Variants in ADAMTS12 observed in about 807,000 individuals in gnomAD.
ADAMTS12 encodes A disintegrin and metalloproteinase with thrombospondin motifs 12.
ADAMTS12 carries 118 observed loss-of-function variants against 167.8 expected under a neutral mutation model. The ratio of observed to expected loss-of-function variants is 0.70; its 90% CI spans 0.61 to 0.82. The LOEUF (loss-of-function observed/expected upper bound fraction) is 0.82. ADAMTS12 is among the 40% of genes least tolerant of loss of function. The probability of loss-of-function intolerance (pLI) is 0.00; values close to 1 mark genes in which losing one functional copy is unlikely to be tolerated. For missense variants in ADAMTS12, 1,916 were observed against 1,998.8 expected (o/e 0.96, Z 0.79); for synonymous variants, 704 against 716.9 (o/e 0.98, Z 0.29).
At chr5:33,847,547 C>T (rs188185983) in intron 2 of ADAMTS12, among the ~76,000 whole-genome samples, 2 of 151,760 alleles carry the variant, frequency 1.3e-5, no homozygotes, top group Admixed American at 6.6e-5. Flanking sequence ...CACCTGAACC[C>T]GGGAGATGGA....
intron 3 of ADAMTS12, among the ~76,000 whole-genome samples, chr5:33,712,091 G>T (rs1366871281): frequency 1.3e-5 from 2 of 152,072 alleles, no homozygotes; most frequent in Non-Finnish European, 2.9e-5. Context: ...TCTGTAAAAT[G>T]GAGACATATT....
At chr5:33,646,977 T>C (rs922190904) in intron 9 of ADAMTS12, among the ~76,000 whole-genome samples, 1 of 152,040 alleles carries the variant, frequency 6.6e-6, no homozygotes, top group Non-Finnish European at 1.5e-5. Context: ...AGGTTAAATA[T>C]GCATAATTGG....
At chr5:33,673,204 T>C (rs938495209) in intron 5 of ADAMTS12, among the ~76,000 whole-genome samples, 6 of 152,208 alleles carry the variant, frequency 3.9e-5, no homozygotes, top group African/African-American at 1.2e-4. Context: ...CTTCTGTCCT[T>C]CCTTTGGTTC....
rs143446153 is a variant in ADAMTS12, at chr5:33,527,226, T to C, written c.4747A>G (p.Arg1583Gly). 1.7e-5 allele frequency: 27 copies of C among 1,614,008 alleles called. No homozygotes were observed. In the African/African-American group the frequency reaches 3.5e-4, roughly 21 times the overall value. The change falls in exon 24 of 24, where the codon AGA becomes GGA. Residue 1583 changes from arginine (R) to glycine (G), a missense_variant. Arg to Gly is a moderately radical substitution (Grantham distance 125, BLOSUM62 -2). Coordinates refer to ENST00000504830, the MANE Select transcript of ADAMTS12 (RefSeq NM_030955.4). ...QTHITHTQRQ[R>G]RQRLLQKSKE... The stretch of plus-strand genomic sequence containing the variant: ...GACTTTTGGAGCAACCGTTGCCTTC[T>C]TTGCCTTTGGGTGTGTGTGATGTGT...
At chr5:33,874,382 C>T (rs910280479) in intron 2 of ADAMTS12, among the ~76,000 whole-genome samples, 1 of 152,216 alleles carries the variant, frequency 6.6e-6, no homozygotes, top group African/African-American at 2.4e-5. Flanking sequence ...AAATGAGATA[C>T]CACCACACAT....
chr5:33,835,379 C>A (rs988905769), intron 2 of ADAMTS12, among the ~76,000 whole-genome samples: 51 of 152,356 alleles, frequency 3.3e-4, no homozygotes, highest in African/African-American at 1.1e-3. Context: ...AATCTTTGCA[C>A]TAACTTTGTA....
intron 2 of ADAMTS12, among the ~76,000 whole-genome samples, chr5:33,859,530 T>G (rs890351849): frequency 2.6e-5 from 4 of 152,094 alleles, no homozygotes; most frequent in African/African-American, 9.7e-5. Context: ...TAGATATAAC[T>G]CCCATCTCCC....
chr5:33,814,016 T>G (rs926962001), intron 2 of ADAMTS12, among the ~76,000 whole-genome samples: 2 of 152,248 alleles, frequency 1.3e-5, no homozygotes, highest in African/African-American at 4.8e-5. Flanking sequence ...ATACTGAATA[T>G]GAATCCTTTG....
chr5:33,742,095 C>A (rs899248693), intron 3 of ADAMTS12, among the ~76,000 whole-genome samples: 7 of 152,104 alleles, frequency 4.6e-5, no homozygotes, highest in Non-Finnish European at 1.0e-4. Context: ...AGGTTCAGAG[C>A]TGTGTCCCTT....
intron 12 of ADAMTS12, among the ~76,000 whole-genome samples, chr5:33,634,735 T>C (rs1002841335): frequency 7.9e-5 from 12 of 152,090 alleles, no homozygotes; most frequent in African/African-American, 2.7e-4. Context: ...TAGTGAAATA[T>C]AAGAAGGCAT....
chr5:33,719,748 C>G (rs1347231998), intron 3 of ADAMTS12, among the ~76,000 whole-genome samples: 2 of 152,180 alleles, frequency 1.3e-5, no homozygotes, highest in Admixed American at 6.5e-5. Context: ...TATTTATGAG[C>G]TTTAAGGAAG....
chr5:33,581,642 CA>C (rs1561143995), intron 18 of ADAMTS12, among the ~76,000 whole-genome samples: 2 of 152,156 alleles, frequency 1.3e-5, no homozygotes, highest in Admixed American at 6.5e-5. Context: ...AGATCTCATA[CA>C]AACACCAGCT....
chr5:33,656,896 A>C (rs942407860), intron 7 of ADAMTS12, among the ~76,000 whole-genome samples: 5 of 152,222 alleles, frequency 3.3e-5, no homozygotes, highest in Non-Finnish European at 7.3e-5. Flanking sequence ...TTATTATTTA[A>C]TGAAAGCAAG....
chr5:33,687,048 T>C (rs943606948), intron 3 of ADAMTS12, among the ~76,000 whole-genome samples: 25 of 151,182 alleles, frequency 1.7e-4, no homozygotes, highest in African/African-American at 6.1e-4. Context: ...ACCCAGTCTA[T>C]AGCATTTTGT....
intron 16 of ADAMTS12, among the ~76,000 whole-genome samples, chr5:33,606,949 A>G (rs1579738259): frequency 6.6e-6 from 1 of 152,244 alleles, no homozygotes; most frequent in African/African-American, 2.4e-5. Context: ...GAATGCCAGT[A>G]CAGTTCAATA....
chr5:33,628,622 A>G (rs1306671432), intron 13 of ADAMTS12, among the ~76,000 whole-genome samples: 1 of 152,222 alleles, frequency 6.6e-6, no homozygotes, highest in Non-Finnish European at 1.5e-5. Context: ...CAAACACTGC[A>G]TACATTGTTT....
intron 2 of ADAMTS12, among the ~76,000 whole-genome samples, chr5:33,824,338 C>A (rs1466471671): frequency 6.6e-6 from 1 of 152,142 alleles, no homozygotes; most frequent in Non-Finnish European, 1.5e-5. Flanking sequence ...TTTGCAGCAG[C>A]CCCAGTGAAG....
intron 2 of ADAMTS12, among the ~76,000 whole-genome samples, chr5:33,845,548 A>G (rs1748913342): frequency 6.6e-6 from 1 of 152,208 alleles, no homozygotes. Flanking sequence ...ATAAGACCAT[A>G]CCAATATAAA....
In ADAMTS12 at chr5:33,572,719, A is replaced by G. The variant is rs750244781; in HGVS notation, c.3972+3335T>C. The stretch of plus-strand genomic sequence containing the variant: ...AGGGATGCCCTCTCTCACCACTCCT[A>G]TGCAACATAGTGTTGGAAGTTCTGG... On this transcript the variant is annotated intron_variant, in intron 19 of 23. Coordinates refer to ENST00000504830, the MANE Select transcript of ADAMTS12 (RefSeq NM_030955.4). 8.6e-3 allele frequency among the ~76,000 whole-genome samples: 1,275 copies of G among 148,252 alleles called. 12 individuals are homozygous for G. Among genetic ancestry groups the G allele is most frequent in the Non-Finnish European group, 0.015 (1,003 of 67,366 alleles).
Sources: gnomAD v4.1 joint callset for allele counts (sites outside exome capture counted in the v4.1 genomes callset) on GRCh38, gnomAD v4.1.1 for gene constraint, MANE v1.5 for transcripts, NCBI Gene and HGNC (gene_info 2026-07-23, HGNC 2026-07-21) for gene names.